DNMT1: variants seen among roughly 807,000 people sequenced by gnomAD.
The protein encoded by DNMT1 is DNA (cytosine-5)-methyltransferase 1.
DNMT1 carries 24 observed loss-of-function variants against 205.3 expected under a neutral mutation model. The ratio of observed to expected loss-of-function variants is 0.12; its 90% CI spans 0.08 to 0.16. DNMT1 has a LOEUF of 0.16. Ranked by LOEUF, DNMT1 falls within the 10% of genes least tolerant of loss-of-function variation. The probability of loss-of-function intolerance (pLI) is 1.00; values close to 1 mark genes in which losing one functional copy is unlikely to be tolerated. For missense variants in DNMT1, 1,293 were observed against 2,177.7 expected, an observed-to-expected ratio of 0.59 and a Z score of 8.09; for synonymous variants, 817 against 839.8, an observed-to-expected ratio of 0.97 and a Z score of 0.47.
rs2038955182 is a variant in DNMT1 at position 10,177,298 on chromosome 19, G to A, written c.563C>T (p.Ala188Val). ...TRQTTITSHF[A>V]KGPAKRKPQE... Reference sequence around the variant, plus strand: ...CAATTTATCGTATACTGACCCCTTTGCAAAATGAGATGTGATGGTGGTTTG... The same window carrying A: ...CAATTTATCGTATACTGACCCCTTTACAAAATGAGATGTGATGGTGGTTTG... The change falls in exon 6 of 41, where the codon GCA becomes GTA. Residue 188 changes from alanine to valine, a missense_variant. Around this residue, in one of 13 missense-constraint regions of DNMT1, gnomAD observed 394 missense variants for 451.6 expected, o/e 0.87. Transcript: ENST00000359526. The A allele has an allele frequency of 1.9e-6, 3 of 1,613,778 alleles. No homozygotes were observed. Among genetic ancestry groups the A allele is most frequent in the African/African-American group, 1.3e-5 (1 of 74,850 alleles).
In DNMT1 at chr19:10,194,888, A is replaced by G; in HGVS notation, c.12T>C (p.Arg4=). The change falls in exon 1 of 41, where the codon CGT becomes CGC. Residue 4 remains arginine, a synonymous_variant. Coordinates refer to ENST00000359526, the MANE Select transcript of DNMT1 (RefSeq NM_001130823.3). MPA[R]TAPARVPTLA... ...GTGTGGGCACCCGGGCTGGGGCGGT[A>G]CGCGCCGGCATCTCGGAGGCTTCAG... 1 of 1,609,092 alleles carries G rather than the reference A, an allele frequency of 6.2e-7. No homozygotes were observed. The highest frequency in any genetic ancestry group is 1.1e-5 in the South Asian group (1 of 90,598).
In DNMT1 at chr19:10,177,313, A is replaced by G. The variant is rs2038955301; in HGVS notation, c.548T>C (p.Ile183Thr). 1 of 1,611,322 alleles carries G rather than the reference A, an allele frequency of 6.2e-7. No individual in the cohort carries two copies. Among genetic ancestry groups the G allele is most frequent in the Non-Finnish European group, 8.5e-7 (1 of 1,178,752 alleles). Reference sequence around the variant, plus strand: ...TGACCCCTTTGCAAAATGAGATGTGATGGTGGTTTGCCTGGTGCTTTTCCT... The same window carrying G: ...TGACCCCTTTGCAAAATGAGATGTGGTGGTGGTTTGCCTGGTGCTTTTCCT... ...ITRKSTRQTT[I>T]TSHFAKGPAK... Residue 183 changes from isoleucine to threonine, a missense_variant, in exon 6 of 41, where the codon ATC becomes ACC. By Grantham distance (89) the Ile-to-Thr change is moderately conservative. Coordinates refer to ENST00000359526, the MANE Select transcript of DNMT1 (RefSeq NM_001130823.3).
chr19:10,177,843 G>C lies in DNMT1; in HGVS notation c.494-476C>G, dbSNP rs2038963485. ...AGCTATTCAAGAGGCTGAGGCACAA[G>C]AATCACTTGAACCCAGGAGATGGGG... On this transcript the variant is annotated intron_variant, in intron 5 of 40. Coordinates refer to ENST00000359526, the MANE Select transcript of DNMT1 (RefSeq NM_001130823.3). Among the ~76,000 whole-genome samples, 3 of 148,838 alleles carry C rather than the reference G, an allele frequency of 2.0e-5. No homozygotes were observed. The South Asian group carries it at 6.4e-4, about 32-fold the overall frequency.
Position 10,182,449 on chromosome 19 carries a change from A to G in DNMT1, c.81-372T>C, listed in dbSNP as rs147607400. The stretch of plus-strand genomic sequence containing the variant: ...TATGTGTGTATATATATACATATAT[A>G]TGTGTATATATATGTGTGTATATAT... On this transcript the variant is annotated intron_variant, in intron 1 of 40. Coordinates refer to ENST00000359526, the MANE Select transcript of DNMT1 (RefSeq NM_001130823.3). Among the ~76,000 whole-genome samples, 274 of 125,028 alleles carry G rather than the reference A, an allele frequency of 2.2e-3. 1 individual carries two copies. The highest frequency in any genetic ancestry group is 4.2e-3 in the Middle Eastern group (1 of 236). 82.0% of individuals were successfully genotyped at this position (125,028 alleles called of 152,430 possible). A position where few individuals can be genotyped will look rare whatever the true frequency, so the allele number is the denominator to read the frequency against.
intron 26 of DNMT1, 134 bp from the exon 27 acceptor site, chr19:10,149,151 C>T (rs558809252): frequency 3.9e-6 from 5 of 1,279,512 alleles, no homozygotes; most frequent in African/African-American, 1.5e-5. Context: ...TGGTGAAACC[C>T]CGTCTCTACT....
At chr19:10,158,675 G>A (rs918407812) in intron 17 of DNMT1, among the ~76,000 whole-genome samples, 9 of 152,280 alleles carry the variant, frequency 5.9e-5, no homozygotes, top group African/African-American at 2.2e-4. Flanking sequence ...GTGAAGGTAC[G>A]GGCCGGACGC....
rs372129479 is a variant in DNMT1, at chr19:10,166,662, T to A, written c.827A>T (p.Glu276Val). 6.2e-7 allele frequency: 1 copy of A among 1,614,170 alleles called. No individual in the cohort carries two copies. The highest frequency in any genetic ancestry group is 1.3e-5 in the African/African-American group (1 of 75,050). ...KEPTPKQKLK[E>V]EPDREARAGV... is the part of the protein sequence containing the mutation. ...TGCCCTGGCTTCTCTGTCCGGCTCC[T>A]CCTTCAGTTTCTGTTTGGGTGTTCT... The change falls in exon 11 of 41, where the codon GAG becomes GTG. Residue 276 changes from glutamate (E) to valine (V), a missense_variant. This residue lies in a region of DNMT1 where 394 missense variants were observed against 451.6 expected (regional missense o/e 0.87). Coordinates refer to ENST00000359526, the MANE Select transcript of DNMT1 (RefSeq NM_001130823.3).
chr19:10,180,646 T>TTCTTCA (rs147441348), intron 3 of DNMT1, 77 bp from the exon 4 acceptor site: 1 of 1,453,654 alleles, frequency 6.9e-7, no homozygotes, highest in African/African-American at 1.4e-5. Flanking sequence ...ATGTGTTTCC[T>TTCTTCA]TCATCATCAT....
Position 10,180,223 on chromosome 19 carries a change from G to T in DNMT1, c.457C>A (p.Pro153Thr). 8.9e-7 allele frequency: 1 copy of T among 1,123,424 alleles called. No homozygotes were observed. The highest frequency in any genetic ancestry group is 1.3e-6 in the Non-Finnish European group (1 of 771,120). The allele number at this position is 1,123,424 out of a possible 1,614,324, so 69.6% of individuals were successfully genotyped here. The change falls in exon 5 of 41, where the codon CCT becomes ACT. Residue 153 changes from proline (P) to threonine (T), a missense_variant. By Grantham distance (38) the Pro-to-Thr change is conservative (BLOSUM62 -1). This residue lies in a region of DNMT1 where 394 missense variants were observed against 451.6 expected (regional missense o/e 0.87). Transcript: ENST00000359526. The part of the protein sequence containing the change: ...SDGEAKRSRD[P>T]PASASQVTGI... Reference sequence around the variant, plus strand: ...GTTACTTGGGAGGCTGAGGCAGGAGGGTCTCTTGAACCTGGGAGGCAGAGG... The same window carrying T: ...GTTACTTGGGAGGCTGAGGCAGGAGTGTCTCTTGAACCTGGGAGGCAGAGG...
At chr19:10,187,872 C>T (rs2145402207) in intron 1 of DNMT1, among the ~76,000 whole-genome samples, 1 of 151,086 alleles carries the variant, frequency 6.6e-6, no homozygotes, top group East Asian at 2.0e-4. Context: ...GCTGGGTGTG[C>T]TAGCATGTGC....
rs145352260 is a variant in DNMT1, at chr19:10,173,472, G to C, written c.684-298C>G. ...CGATATGGTTGCCATGGAAACACAC[G>C]ATAAAGTTCTTCTTTTTAAACTTTT... On this transcript the variant is annotated intron_variant, in intron 8 of 40. Coordinates refer to ENST00000359526, the MANE Select transcript of DNMT1 (RefSeq NM_001130823.3). Among the ~76,000 whole-genome samples, 821 of 151,538 alleles carry C rather than the reference G, an allele frequency of 5.4e-3. 9 individuals are homozygous for C. The highest frequency in any genetic ancestry group is 0.019 in the African/African-American group (785 of 41,304).
chr19:10,154,618 C>A lies in DNMT1; in HGVS notation c.1800G>T (p.Leu600=). The change falls in exon 21 of 41, where the codon CTG becomes CTT. Residue 600 remains leucine (L), a synonymous_variant. Transcript: ENST00000359526. This position sits in a 1 kb window ranked among gnomAD's most constrained non-coding sequence, Gnocchi z 6.3. ...PIFLTPCMRD[L]IKLAGVTLGQ... ...CCAGCGTGACCCCAGCCAGCTTGAT[C>A]AGGTCCCGCATGCAGGGTGTCAGGA... The A allele has an allele frequency of 1.2e-6, 2 of 1,614,076 alleles. No individual in the cohort carries two copies. Among genetic ancestry groups the A allele is most frequent in the Non-Finnish European group, 1.7e-6 (2 of 1,179,976 alleles).
intron 30 of DNMT1, 136 bp from the exon 31 acceptor site, chr19:10,141,325 A>G (rs1162923235): frequency 1.2e-6 from 1 of 831,694 alleles, no homozygotes; most frequent in African/African-American, 1.7e-5. Context: ...CACCAATAAG[A>G]GTAGTTTGAC....
intron 30 of DNMT1, chr19:10,141,636 T>G (rs1030506115): frequency 4.8e-5 from 16 of 334,798 alleles, no homozygotes; most frequent in African/African-American, 3.4e-4. Flanking sequence ...GGGCTGGGCC[T>G]GGACGTAGGC....
rs2089570450 is a variant in DNMT1, at chr19:10,140,001, A to G, written c.3806+45T>C. 6.2e-7 allele frequency: 1 copy of G among 1,602,298 alleles called. No homozygotes were observed. Among genetic ancestry groups the G allele is most frequent in the South Asian group, 1.1e-5 (1 of 91,024 alleles). On this transcript the variant is annotated intron_variant, in intron 33 of 40. Coordinates refer to ENST00000359526, the MANE Select transcript of DNMT1 (RefSeq NM_001130823.3). This position sits in a 1 kb window ranked among gnomAD's most constrained non-coding sequence, Gnocchi z 8.4. ...AATGACCACTGCTGACATGCGGCAC[A>G]GCCCCGGGCCGTCTGGCAACACTGG... is the stretch of plus-strand genomic sequence containing the variant.
At chr19:10,145,123 G>A (rs1242813648) in intron 28 of DNMT1, among the ~76,000 whole-genome samples, 3 of 152,336 alleles carry the variant, frequency 2.0e-5, no homozygotes, top group African/African-American at 7.2e-5. Context: ...ACAGGGCCTG[G>A]GACAATGGGA....
rs2089496491 is a variant in DNMT1 at position 10,137,003 on chromosome 19, C to T, written c.4489+82G>A. ...TTGGTGTGTCTGTGCCCTGCCCTGG[C>T]CTCCAGGTTCACAGGCCAAAGGCCC... On this transcript the variant is annotated intron_variant, in intron 37 of 40. Coordinates refer to ENST00000359526, the MANE Select transcript of DNMT1 (RefSeq NM_001130823.3). This position sits in a 1 kb window ranked among gnomAD's most constrained non-coding sequence, Gnocchi z 6.4. 1.3e-6 allele frequency: 2 copies of T among 1,543,256 alleles called. No homozygotes were observed. Among genetic ancestry groups the T allele is most frequent in the Admixed American group, 3.9e-5 (2 of 51,570 alleles).
At position 10,140,684 on chromosome 19, in the gene DNMT1, G is replaced by C. The variant is rs1182635611; in HGVS notation, c.3523+97C>G. 10 of 1,602,512 alleles carry C rather than the reference G, an allele frequency of 6.2e-6. No individual in the cohort carries two copies. The highest frequency in any genetic ancestry group is 1.1e-5 in the South Asian group (1 of 90,562). The stretch of plus-strand genomic sequence containing the variant: ...TGCCTGGCCTCGGAAGGAGATTCTT[G>C]AGTCAGGAAGGTGACCGGGGTTGGA... On this transcript the variant is annotated intron_variant, in intron 32 of 40. Transcript: ENST00000359526. The surrounding 1 kb of genome is among the most constrained non-coding windows in gnomAD (Gnocchi z 8.4).
Position 10,177,293 on chromosome 19 carries a change from C to G in DNMT1, c.568G>C (p.Gly190Arg), listed in dbSNP as rs1375806732. Residue 190 changes from glycine to arginine, a missense_variant and splice_region_variant, in exon 6 of 41, where the codon GGC (glycine) becomes CGC (arginine). Gly to Arg is a moderately radical substitution (Grantham distance 125, BLOSUM62 -2). Transcript: ENST00000359526. ...QTTITSHFAK[G>R]PAKRKPQEES... ...GCCGCCAATTTATCGTATACTGACCCCTTTGCAAAATGAGATGTGATGGTG... is the reference window on the plus strand; with the variant it reads ...GCCGCCAATTTATCGTATACTGACCGCTTTGCAAAATGAGATGTGATGGTG... 2 of 1,613,974 alleles carry G rather than the reference C, an allele frequency of 1.2e-6. No homozygotes were observed. Among genetic ancestry groups the G allele is most frequent in the Non-Finnish European group, 1.7e-6 (2 of 1,179,986 alleles).
Sources: gnomAD v4.1 joint callset for allele counts (sites outside exome capture counted in the v4.1 genomes callset) on GRCh38, gnomAD v4.1.1 for gene constraint, gnomAD v4.1.1 regional missense constraint, Gnocchi (gnomAD v3.1) non-coding constraint, MANE v1.5 for transcripts, NCBI Gene and HGNC (gene_info 2026-07-23, HGNC 2026-07-21) for gene names.